TMEM254: variants seen among roughly 807,000 people sequenced by gnomAD.
TMEM254 encodes transmembrane protein C10orf57.
In TMEM254, 16 loss-of-function variants were observed where a neutral mutation model predicts 13.9. The ratio of observed to expected loss-of-function variants is 1.15; its 90% CI spans 0.78 to 1.75. The LOEUF is 1.75. TMEM254 is among the 40% of genes most tolerant of loss of function. TMEM254 has a pLI of 0.00. For synonymous variants in TMEM254, 61 were observed against 56.4 expected, an observed-to-expected ratio of 1.08 and a Z score of -0.36; for missense variants, 155 against 149.0, an observed-to-expected ratio of 1.04 and a Z score of -0.21.
intron 1 of TMEM254, 200 bp downstream of exon 1, chr10:80,078,986 C>T: frequency 6.5e-7 from 1 of 1,540,396 alleles, no homozygotes; most frequent in Non-Finnish European, 8.8e-7. Flanking sequence ...TGGGCGGGCG[C>T]CCAGGGCCCT....
rs1554824471 is a variant in TMEM254 at position 80,079,198 on chromosome 10, T to TGGGGC, written c.87+421_87+425dup. On this transcript the variant is annotated intron_variant, in intron 1 of 3. Transcript: ENST00000372281. ...GGCTACTTCGCGGTGAGGCGTGGGG[T>TGGGGC]GGGGCGGGGCGGGCCTCTGTTTTGG... is the stretch of plus-strand genomic sequence containing the variant. The TGGGGC allele has an allele frequency of 3.5e-4, 113 of 322,460 alleles. 2 individuals are homozygous for TGGGGC. The highest frequency in any genetic ancestry group is 2.0e-3 in the South Asian group (75 of 37,372). 20.0% of individuals were successfully genotyped at this position (322,460 alleles called of 1,614,324 possible). A position where few individuals can be genotyped will look rare whatever the true frequency, so the allele number is the denominator to read the frequency against.
At chr10:80,080,773 T>TAC (rs35188589) in intron 1 of TMEM254, among the ~76,000 whole-genome samples, 66,422 of 150,130 alleles carry the variant, frequency 0.44, 14,926 homozygotes, top group East Asian at 0.7. Flanking sequence ...ACCTCATCTC[T>TAC]ACACACACAC....
chr10:80,082,327 C>A, intron 3 of TMEM254, 123 bp downstream of exon 3: 3 of 1,116,824 alleles, frequency 2.7e-6, no homozygotes, highest in Non-Finnish European at 2.6e-6. Context: ...GAGCGGAATC[C>A]CCATGCCTGA....
chr10:80,091,067 T>G lies in TMEM254; in HGVS notation c.*150T>G, dbSNP rs2132308225. On this transcript the variant is annotated 3_prime_UTR_variant, in exon 4 of 4. Coordinates refer to ENST00000372281, the MANE Select transcript of TMEM254 (RefSeq NM_025125.4). ...TTAAGACCCCCTCGTTAGTCAGTTT[T>G]TTCTCTTATATGCTCTGGTTGAGCT... The G allele has an allele frequency of 4.2e-6, 4 of 958,040 alleles. No individual in the cohort carries two copies. The Middle Eastern group carries it at 7.5e-4, about 181-fold the overall frequency. The allele number at this position is 958,040 out of a possible 1,614,324, so 59.3% of individuals were successfully genotyped here. A position where few individuals can be genotyped will look rare whatever the true frequency, so the allele number is the denominator to read the frequency against.
intron 1 of TMEM254, chr10:80,081,619 G>A: frequency 1.4e-6 from 2 of 1,446,268 alleles, no homozygotes; most frequent in Non-Finnish European, 1.9e-6. Flanking sequence ...AGTGAGTCAT[G>A]ATCATGCCAC....
At chr10:80,081,788 A>G (rs1844043539) in intron 1 of TMEM254, 53 bp from the exon 2 acceptor site, 1 of 1,609,402 alleles carries the variant, frequency 6.2e-7, no homozygotes. Context: ...CAAAAACAAA[A>G]AACAGGTTTT....
chr10:80,078,720 GACCTACTTTCAGCGAGGC>G lies in TMEM254; in HGVS notation c.23_40del (p.Thr8_Gly13del). 6.2e-7 allele frequency: 1 copy of G among 1,605,602 alleles called. No individual in the cohort carries two copies. On this transcript the variant is annotated inframe_deletion, in exon 1 of 4. Transcript: ENST00000372281. ...CAGCCATGGCTACGGCAGCCGGCGCGACCTACTTTCAGCGAGGCAGTCTGTTCTGGTTCACAGTCATCA... is the reference window on the plus strand; with the variant it reads ...CAGCCATGGCTACGGCAGCCGGCGCGAGTCTGTTCTGGTTCACAGTCATCA...
In TMEM254 at chr10:80,089,393, G is replaced by A. The variant is rs546930365; in HGVS notation, c.252-1404G>A. Among the ~76,000 whole-genome samples, 4 of 152,270 alleles carry A rather than the reference G, an allele frequency of 2.6e-5. No homozygotes were observed. In the East Asian group the frequency reaches 7.7e-4, roughly 29 times the overall value. On this transcript the variant is annotated intron_variant, in intron 3 of 3. Transcript: ENST00000372281. Reference sequence around the variant, plus strand: ...TTATTAAAAATGGATGTTGGATGTGGATGCAGGTGGCTCACACCTGTAATC... The same window carrying A: ...TTATTAAAAATGGATGTTGGATGTGAATGCAGGTGGCTCACACCTGTAATC...
intron 3 of TMEM254, chr10:80,090,474 A>C: frequency 1.4e-6 from 1 of 716,392 alleles, no homozygotes. Context: ...TATTTGCAAA[A>C]CATTTGCTCT....
Position 80,081,893 on chromosome 10 carries a change from G to A in TMEM254, c.140G>A (p.Gly47Asp), listed in dbSNP as rs1272468763. 2 of 1,614,150 alleles carry A rather than the reference G, an allele frequency of 1.2e-6. No individual in the cohort carries two copies. The highest frequency in any genetic ancestry group is 1.6e-4 in the Middle Eastern group (1 of 6,062). Residue 47 changes from glycine (G) to aspartate (D), a missense_variant, in exon 2 of 4, where the codon GGC (glycine) becomes GAC (aspartate). Physicochemically the swap from Gly to Asp is moderately conservative, Grantham distance 94. Transcript: ENST00000372281. ...CCTTATCAGAACCTTGGGCCCCTGGGCCCCTTCACTCAGTACTTGGTGGAC... is the reference window on the plus strand; with the variant it reads ...CCTTATCAGAACCTTGGGCCCCTGGACCCCTTCACTCAGTACTTGGTGGAC... ...SIPYQNLGPL[G>D]PFTQYLVDHH... is the part of the protein sequence containing the mutation.
intron 1 of TMEM254, chr10:80,079,298 G>C: frequency 1.7e-6 from 2 of 1,205,516 alleles, no homozygotes; most frequent in Non-Finnish European, 2.1e-6. Context: ...CGGTTGTCTC[G>C]GTTACTCATG....
intron 1 of TMEM254, chr10:80,079,753 C>T: frequency 1.0e-6 from 1 of 971,410 alleles, no homozygotes; most frequent in Non-Finnish European, 1.2e-6. Context: ...CGCTCTGTCA[C>T]CCAGGCTGGA....
In TMEM254 at chr10:80,090,876, A is replaced by G; in HGVS notation, c.331A>G (p.Ile111Val). 1.2e-6 allele frequency: 2 copies of G among 1,614,048 alleles called. No homozygotes were observed. The change falls in exon 4 of 4, where the codon ATC (isoleucine) becomes GTC (valine). Residue 111 changes from isoleucine (I) to valine (V), a missense_variant. Physicochemically the swap from Ile to Val is conservative, Grantham distance 29. Transcript: ENST00000372281. ...CTTCTTTGGGATAGCGTCTCTCACC[A>G]TCTTGATTGCTTACAAACGGAAGCG... Reference protein sequence around the residue: ...TFFFGIASLTILIAYKRKRQK... With the variant: ...TFFFGIASLTVLIAYKRKRQK...
At chr10:80,090,685 C>A in intron 3 of TMEM254, 112 bp from the exon 4 acceptor site, 2 of 978,268 alleles carry the variant, frequency 2.0e-6, no homozygotes, top group Non-Finnish European at 3.0e-6. Flanking sequence ...AAAATAAACC[C>A]AATGAAAGTA....
intron 1 of TMEM254, 174 bp from the exon 2 acceptor site, chr10:80,081,667 A>G (rs1404789101): frequency 6.4e-7 from 1 of 1,554,704 alleles, no homozygotes; most frequent in African/African-American, 1.4e-5. Flanking sequence ...GACCCTGTCA[A>G]AAAAAAAAGA....
intron 3 of TMEM254, among the ~76,000 whole-genome samples, chr10:80,084,053 C>T (rs1009844557): frequency 2.0e-5 from 3 of 152,056 alleles, no homozygotes; most frequent in Non-Finnish European, 4.4e-5. Flanking sequence ...CCACTGCACT[C>T]TAGCCTGGGT....
At chr10:80,080,861 C>T (rs1843972084) in intron 1 of TMEM254, among the ~76,000 whole-genome samples, 1 of 152,138 alleles carries the variant, frequency 6.6e-6, no homozygotes, top group Non-Finnish European at 1.5e-5. Context: ...GGGCGGATCA[C>T]CTGATGTCAG....
At chr10:80,088,257 C>T (rs1033935292) in intron 3 of TMEM254, among the ~76,000 whole-genome samples, 4 of 152,090 alleles carry the variant, frequency 2.6e-5, no homozygotes, top group African/African-American at 9.7e-5. Flanking sequence ...GCTTTATAAT[C>T]ATTGTTATCT....
rs1321826626 is a variant in TMEM254 at position 80,078,734 on chromosome 10, G to A, written c.35G>A (p.Arg12Gln). The A allele has an allele frequency of 2.5e-6, 4 of 1,608,162 alleles. No homozygotes were observed. Among genetic ancestry groups the A allele is most frequent in the Non-Finnish European group, 2.5e-6 (3 of 1,178,048 alleles). The change falls in exon 1 of 4, where the codon CGA becomes CAA. Residue 12 changes from arginine to glutamine, a missense_variant. By Grantham distance (43) the Arg-to-Gln change is conservative (BLOSUM62 1). Transcript: ENST00000372281. ...ATAAGATYFQRGSLFWFTVIT... is the reference protein window; with the variant it reads ...ATAAGATYFQQGSLFWFTVIT... ...GCAGCCGGCGCGACCTACTTTCAGC[G>A]AGGCAGTCTGTTCTGGTTCACAGTC... is the stretch of plus-strand genomic sequence containing the variant.
Sources: allele counts gnomAD v4.1 joint callset (sites outside exome capture counted in the v4.1 genomes callset), GRCh38; gene constraint gnomAD v4.1.1; transcripts MANE v1.5; gene names NCBI Gene and HGNC (gene_info 2026-07-23, HGNC 2026-07-21).